PALS1: variants seen among roughly 807,000 people sequenced by gnomAD.
PALS1 encodes protein associated with LIN7 1, MAGUK p55 family member, also known as protein PALS1.
Under a neutral mutation model 78.9 loss-of-function variants are expected in PALS1, and 31 were observed. That is an observed-to-expected ratio of 0.39 (90% CI 0.30 to 0.53). The LOEUF (loss-of-function observed/expected upper bound fraction) is 0.53. Among genes scored for constraint, PALS1 ranks in the 20% least tolerant of loss-of-function variants. The probability of loss-of-function intolerance (pLI) is 0.67; values close to 1 mark genes in which losing one functional copy is unlikely to be tolerated. For missense variants in PALS1, 704 were observed against 826.5 expected (o/e 0.85, Z 1.82); for synonymous variants, 276 against 270.9 (o/e 1.02, Z -0.18).
At chr14:67,256,167 T>G (rs1352832693) in intron 1 of PALS1, among the ~76,000 whole-genome samples, 1 of 152,258 alleles carries the variant, frequency 6.6e-6, no homozygotes, top group Non-Finnish European at 1.5e-5. Context: ...TTTGGTCTAT[T>G]ATCCTCATTT....
intron 1 of PALS1, among the ~76,000 whole-genome samples, chr14:67,257,873 G>A (rs920214823): frequency 3.3e-5 from 5 of 151,954 alleles, no homozygotes; most frequent in Non-Finnish European, 4.4e-5. Context: ...ACAACTATAC[G>A]TACAACACAT....
At chr14:67,324,113 C>CTCTGTA (rs1471235863) in intron 14 of PALS1, among the ~76,000 whole-genome samples, 2 of 152,180 alleles carry the variant, frequency 1.3e-5, no homozygotes, top group Non-Finnish European at 2.9e-5. Flanking sequence ...ACTGACTTTT[C>CTCTGTA]TCTGTAGATA....
chr14:67,262,358 C>T (rs1431311451), intron 1 of PALS1, among the ~76,000 whole-genome samples: 1 of 152,060 alleles, frequency 6.6e-6, no homozygotes. Context: ...ATTCTTATCC[C>T]TATCCCCGCC....
At chr14:67,286,077 T>C (rs1306190016) in intron 3 of PALS1, among the ~76,000 whole-genome samples, 1 of 152,184 alleles carries the variant, frequency 6.6e-6, no homozygotes, top group East Asian at 1.9e-4. Flanking sequence ...GGGCAAATAA[T>C]TTAAACTAGA....
intron 1 of PALS1, among the ~76,000 whole-genome samples, chr14:67,249,541 C>T (rs1232905296): frequency 1.3e-5 from 2 of 152,182 alleles, no homozygotes; most frequent in African/African-American, 4.8e-5. Flanking sequence ...CACAAACCAA[C>T]AGATGTGAAA....
At chr14:67,292,083 A>AC (rs2084780680) in intron 3 of PALS1, among the ~76,000 whole-genome samples, 1 of 152,208 alleles carries the variant, frequency 6.6e-6, no homozygotes. Flanking sequence ...ATTATGGTTT[A>AC]GCCATGTAAT....
At chr14:67,261,172 GAC>G (rs772651838) in intron 1 of PALS1, among the ~76,000 whole-genome samples, 1 of 152,146 alleles carries the variant, frequency 6.6e-6, no homozygotes, top group Non-Finnish European at 1.5e-5. Context: ...TTAAAGAAAA[GAC>G]AATAAAAACT....
intron 1 of PALS1, among the ~76,000 whole-genome samples, chr14:67,255,477 G>A (rs1334168805): frequency 1.3e-5 from 2 of 152,098 alleles, no homozygotes; most frequent in African/African-American, 2.4e-5. Flanking sequence ...AATTAAAAAT[G>A]TAATATATAT....
At chr14:67,325,979 C>CTTTTTTTTTTTTTTT (rs61592505) in intron 14 of PALS1, among the ~76,000 whole-genome samples, 17 of 110,210 alleles carry the variant, frequency 1.5e-4, no homozygotes, top group African/African-American at 6.2e-4. Flanking sequence ...CGGCTCTTTT[C>CTTTTTTTTTTTTTTT]TTTTTTTTTT....
At chr14:67,262,999 T>C (rs1041959308) in intron 1 of PALS1, among the ~76,000 whole-genome samples, 3 of 152,202 alleles carry the variant, frequency 2.0e-5, no homozygotes, top group Non-Finnish European at 4.4e-5. Context: ...ATTTAATCTT[T>C]TATTGCTAAG....
rs1293200675 is a variant in PALS1 at position 67,302,017 on chromosome 14, C to T, written c.700C>T (p.Leu234=). The change falls in exon 6 of 15, where the codon CTA becomes TTA. Residue 234 remains leucine, a synonymous_variant. Coordinates refer to ENST00000261681, the MANE Select transcript of PALS1 (RefSeq NM_022474.4). ...HDKVAEQEMQ[L]EPITDERVYE... is the part of the protein sequence containing the mutation. ...TAAGGTTGCTGAGCAGGAAATGCAG[C>T]TAGAGCCCATTACAGATGAGAGAGT... The T allele has an allele frequency of 2.5e-6, 4 of 1,610,086 alleles. No individual in the cohort carries two copies. The highest frequency in any genetic ancestry group is 2.7e-5 in the African/African-American group (2 of 74,700).
chr14:67,301,987 C>A lies in PALS1; in HGVS notation c.670C>A (p.His224Asn). Residue 224 changes from histidine (H) to asparagine (N), a missense_variant, in exon 6 of 15, where the codon CAC becomes AAC. Transcript: ENST00000261681. ...TTTGAAACAGGCACTTTTACTGGCC[C>A]ACGATAAGGTTGCTGAGCAGGAAAT... ...TPHIQALLLAHDKVAEQEMQL... is the reference protein window; with the variant it reads ...TPHIQALLLANDKVAEQEMQL... 6.3e-7 allele frequency: 1 copy of A among 1,592,198 alleles called. No homozygotes were observed. Among genetic ancestry groups the A allele is most frequent in the Admixed American group, 1.8e-5 (1 of 54,478 alleles).
intron 8 of PALS1, among the ~76,000 whole-genome samples, chr14:67,303,833 T>C (rs182417851): frequency 6.6e-6 from 1 of 152,136 alleles, no homozygotes; most frequent in East Asian, 1.9e-4. Context: ...AGTGGTGTGA[T>C]CTTGGCTCAC....
intron 4 of PALS1, among the ~76,000 whole-genome samples, chr14:67,296,296 A>C (rs1399432353): frequency 2.0e-5 from 3 of 152,134 alleles, no homozygotes; most frequent in Non-Finnish European, 4.4e-5. Flanking sequence ...CATAGGACTT[A>C]ATGTTAAAAG....
chr14:67,253,860 C>G (rs2084101413), intron 1 of PALS1, among the ~76,000 whole-genome samples: 1 of 150,906 alleles, frequency 6.6e-6, no homozygotes, highest in Admixed American at 6.6e-5. Context: ...AAAAAAAAGA[C>G]ATCATTTCCA....
chr14:67,255,221 G>A (rs968958898), intron 1 of PALS1, among the ~76,000 whole-genome samples: 1 of 152,146 alleles, frequency 6.6e-6, no homozygotes, highest in Non-Finnish European at 1.5e-5. Context: ...GTTTTTCAGG[G>A]AAGGTAATTG....
chr14:67,331,343 G>T (rs1025542611), intron 14 of PALS1, among the ~76,000 whole-genome samples: 2 of 152,140 alleles, frequency 1.3e-5, no homozygotes, highest in African/African-American at 4.8e-5. Context: ...CCCTGCGCTG[G>T]TATTGGTATT....
At chr14:67,288,444 C>G (rs955600736) in intron 3 of PALS1, among the ~76,000 whole-genome samples, 3 of 152,024 alleles carry the variant, frequency 2.0e-5, no homozygotes, top group Non-Finnish European at 4.4e-5. Flanking sequence ...GTAATCCTAG[C>G]GCTTTGGGTG....
intron 1 of PALS1, among the ~76,000 whole-genome samples, chr14:67,265,151 G>A (rs764658483): frequency 3.3e-5 from 5 of 152,172 alleles, no homozygotes; most frequent in Non-Finnish European, 7.3e-5. Flanking sequence ...TCTTTGGAAT[G>A]TAATTATCTG....
Sources: gnomAD v4.1 joint callset for allele counts (sites outside exome capture counted in the v4.1 genomes callset) on GRCh38, gnomAD v4.1.1 for gene constraint, MANE v1.5 for transcripts, NCBI Gene and HGNC (gene_info 2026-07-23, HGNC 2026-07-21) for gene names.